TSPEAR: variants seen among roughly 807,000 people sequenced by gnomAD.
TSPEAR encodes thrombospondin type laminin G domain and EAR repeats, also known as thrombospondin-type laminin G domain and EAR repeat-containing protein.
In TSPEAR, 69 loss-of-function variants were observed where a neutral mutation model predicts 71.6. That is an observed-to-expected ratio of 0.96 (90% CI 0.79 to 1.18). The LOEUF is 1.18. TSPEAR is among the 50% of genes most tolerant of loss of function. The probability of loss-of-function intolerance (pLI) is 0.00; values close to 1 mark genes in which losing one functional copy is unlikely to be tolerated. For missense variants in TSPEAR, 971 were observed against 894.9 expected, an observed-to-expected ratio of 1.09 and a Z score of -1.09; for synonymous variants, 402 against 387.2, an observed-to-expected ratio of 1.04 and a Z score of -0.45.
At chr21:44,672,532 T>A (rs985939218) in intron 1 of TSPEAR, among the ~76,000 whole-genome samples, 4 of 151,998 alleles carry the variant, frequency 2.6e-5, no homozygotes, top group African/African-American at 9.7e-5. Flanking sequence ...ATGGCGCCAC[T>A]GCACTGCAGG....
intron 5 of TSPEAR, among the ~76,000 whole-genome samples, chr21:44,529,330 T>G (rs1031708065): frequency 6.6e-6 from 1 of 152,104 alleles, no homozygotes; most frequent in African/African-American, 2.4e-5. Context: ...GGAGGCCCTC[T>G]GGGCCGGGGG....
intron 1 of TSPEAR, among the ~76,000 whole-genome samples, chr21:44,648,255 T>C (rs1025122998): frequency 7.9e-5 from 12 of 152,160 alleles, no homozygotes; most frequent in African/African-American, 2.9e-4. Flanking sequence ...AGGATGAGGC[T>C]GTAGTCTCAG....
At chr21:44,653,000 CA>C (rs587724027) in intron 1 of TSPEAR, among the ~76,000 whole-genome samples, 1 of 151,634 alleles carries the variant, frequency 6.6e-6, no homozygotes, top group South Asian at 2.1e-4. Flanking sequence ...ACTAAAAATA[CA>C]AAAAAAATTA....
intron 1 of TSPEAR, among the ~76,000 whole-genome samples, chr21:44,572,925 G>A (rs1292707095): frequency 6.7e-6 from 1 of 150,308 alleles, no homozygotes; most frequent in Admixed American, 6.7e-5. Flanking sequence ...GCTCAGGTGA[G>A]GCCACTGTAA....
chr21:44,699,040 A>C (rs996902003), intron 1 of TSPEAR, among the ~76,000 whole-genome samples: 22 of 152,020 alleles, frequency 1.4e-4, no homozygotes, highest in Non-Finnish European at 3.1e-4. Flanking sequence ...GTCTCTAAAA[A>C]TACAAAAATT....
intron 1 of TSPEAR, among the ~76,000 whole-genome samples, chr21:44,573,198 A>G (rs73907030): frequency 0.048 from 7,330 of 152,154 alleles, 563 homozygotes; most frequent in African/African-American, 0.17. Context: ...GAACCCAAAC[A>G]AACCTCTCTC....
chr21:44,511,143 T>A (rs1346687794), intron 9 of TSPEAR: 1 of 152,224 alleles, frequency 6.6e-6, no homozygotes, highest in Non-Finnish European at 1.5e-5. Context: ...ATCATCAGAC[T>A]GTTCAACCCT....
intron 9 of TSPEAR, among the ~76,000 whole-genome samples, chr21:44,517,015 G>T (rs1555913536): frequency 2.0e-5 from 3 of 152,168 alleles, no homozygotes; most frequent in Admixed American, 6.5e-5. Context: ...TGCACAGGAA[G>T]GCCGTCCTGG....
In TSPEAR at chr21:44,639,771, C is replaced by T. The variant is rs112545053; in HGVS notation, c.82+71662G>A. ...AGAACAGAGAGCCAGGAGGAGGGCC[C>T]GGGGCTGGCTCTCTGACCTCCTCCA... On this transcript the variant is annotated intron_variant, in intron 1 of 11. Transcript: ENST00000323084. Among the ~76,000 whole-genome samples the T allele has an allele frequency of 6.8e-3, 1,036 of 152,190 alleles. 6 individuals carry two copies. Among genetic ancestry groups the T allele is most frequent in the Non-Finnish European group, 8.0e-3 (543 of 67,990 alleles).
chr21:44,517,660 A>ATATGGCAGGAAGCC, intron 9 of TSPEAR: 1 of 429,982 alleles, frequency 2.3e-6, no homozygotes, highest in Non-Finnish European at 4.8e-6. Flanking sequence ...AACTAACCCA[A>ATATGGCAGGAAGCC]TATGGCAGGA....
chr21:44,601,990 C>T (rs1555928963), intron 1 of TSPEAR: 1 of 601,828 alleles, frequency 1.7e-6, no homozygotes, highest in East Asian at 2.9e-5. Context: ...AGCGGGTGCT[C>T]CCAGGCCATA....
At chr21:44,517,447 G>A (rs2052612538) in intron 9 of TSPEAR, 1 of 252,350 alleles carries the variant, frequency 4.0e-6, no homozygotes, top group African/African-American at 2.3e-5. Context: ...ACTAGCCAAT[G>A]AGCTGTGAGG....
intron 1 of TSPEAR, among the ~76,000 whole-genome samples, chr21:44,606,063 A>G (rs1459140890): frequency 1.3e-5 from 2 of 151,926 alleles, no homozygotes; most frequent in Non-Finnish European, 2.9e-5. Flanking sequence ...ATGAGGGACT[A>G]CTACTCACAA....
chr21:44,503,372 C>T (rs1221278152), intron 11 of TSPEAR, among the ~76,000 whole-genome samples: 27 of 109,170 alleles, frequency 2.5e-4, no homozygotes, highest in African/African-American at 7.3e-4. Flanking sequence ...AAGCCGGCCT[C>T]GGTGAGCCCT....
In TSPEAR at chr21:44,576,248, C is replaced by T. The variant is rs997585898; in HGVS notation, c.83-8243G>A. ...CACTGGCCACACGGAGTCACAGTCC[C>T]GGAGTGGAAGGGAGTGCATAACTCA... On this transcript the variant is annotated intron_variant, in intron 1 of 11. Coordinates refer to ENST00000323084, the MANE Select transcript of TSPEAR (RefSeq NM_144991.3). 8.5e-5 allele frequency among the ~76,000 whole-genome samples: 13 copies of T among 152,232 alleles called. No homozygotes were observed. The South Asian group carries it at 1.0e-3, about 12-fold the overall frequency.
intron 1 of TSPEAR, among the ~76,000 whole-genome samples, chr21:44,704,047 G>GA: frequency 6.6e-6 from 1 of 152,344 alleles, no homozygotes; most frequent in South Asian, 2.1e-4. Flanking sequence ...GCCCTGGAGA[G>GA]TGTGGGGCAG....
chr21:44,590,768 C>A (rs186962783), intron 1 of TSPEAR, among the ~76,000 whole-genome samples: 8,869 of 151,886 alleles, frequency 0.058, 823 homozygotes, highest in African/African-American at 0.2. Flanking sequence ...GGCTCAGGGG[C>A]CCAGAGTGCT....
chr21:44,559,313 G>C (rs2053599443), intron 2 of TSPEAR, among the ~76,000 whole-genome samples: 1 of 152,206 alleles, frequency 6.6e-6, no homozygotes, highest in African/African-American at 2.4e-5. Context: ...TATTTCTGCT[G>C]GGGGTGAGCC....
At chr21:44,708,992 C>A (rs1164390853) in intron 1 of TSPEAR, among the ~76,000 whole-genome samples, 10 of 152,214 alleles carry the variant, frequency 6.6e-5, no homozygotes, top group African/African-American at 2.4e-4. Flanking sequence ...TCCCGCGTGA[C>A]CGGTCCCCAC....
Sources: allele counts gnomAD v4.1 joint callset (sites outside exome capture counted in the v4.1 genomes callset), GRCh38; gene constraint gnomAD v4.1.1; transcripts MANE v1.5; gene names NCBI Gene and HGNC (gene_info 2026-07-23, HGNC 2026-07-21).